SPTBN1: variants seen among roughly 807,000 people sequenced by gnomAD.
SPTBN1 encodes spectrin beta, non-erythrocytic 1.
SPTBN1 carries 32 observed loss-of-function variants against 266.4 expected under a neutral mutation model. That is an observed-to-expected ratio of 0.12 (90% CI 0.09 to 0.16). The LOEUF (loss-of-function observed/expected upper bound fraction) is 0.16, where lower values mean the gene tolerates loss of function less well. Ranked by LOEUF, SPTBN1 falls within the 10% of genes least tolerant of loss-of-function variation. The probability of loss-of-function intolerance (pLI) is 1.00; values close to 1 mark genes in which losing one functional copy is unlikely to be tolerated. For missense variants in SPTBN1, 2,296 were observed against 3,067.1 expected, an observed-to-expected ratio of 0.75 and a Z score of 5.94; for synonymous variants, 1,336 against 1,162.2, an observed-to-expected ratio of 1.15 and a Z score of -3.04.
At chr2:54,543,814 G>T (rs1359230006) in intron 2 of SPTBN1, among the ~76,000 whole-genome samples, 1 of 152,152 alleles carries the variant, frequency 6.6e-6, no homozygotes, top group Non-Finnish European at 1.5e-5. Flanking sequence ...TGAGGTTGGA[G>T]GAAGAGACAG....
chr2:54,595,091 C>T (rs1194197020), intron 2 of SPTBN1, among the ~76,000 whole-genome samples: 1 of 152,158 alleles, frequency 6.6e-6, no homozygotes, highest in East Asian at 1.9e-4. Flanking sequence ...CTCAGCCTCC[C>T]AAAGTGCTGG....
intron 1 of SPTBN1, among the ~76,000 whole-genome samples, chr2:54,457,741 G>A (rs1388143491): frequency 2.0e-5 from 3 of 152,268 alleles, no homozygotes; most frequent in African/African-American, 7.2e-5. Flanking sequence ...GAGGCCTGGA[G>A]CTGCTGCTAC....
At chr2:54,571,885 G>A (rs939435821) in intron 2 of SPTBN1, among the ~76,000 whole-genome samples, 3 of 152,194 alleles carry the variant, frequency 2.0e-5, no homozygotes, top group Non-Finnish European at 4.4e-5. Flanking sequence ...ATGATGTCTT[G>A]AATGAAAGAA....
At chr2:54,473,447 C>G (rs376453047) in intron 1 of SPTBN1, among the ~76,000 whole-genome samples, 17 of 151,994 alleles carry the variant, frequency 1.1e-4, no homozygotes, top group Middle Eastern at 3.4e-3. Context: ...CCTATGACTT[C>G]TAAAGTATCA....
Position 54,558,610 on chromosome 2 carries a change from T to G in SPTBN1, c.148+32044T>G. 3 of 1,421,048 alleles carry G rather than the reference T, an allele frequency of 2.1e-6. No individual in the cohort carries two copies. The highest frequency in any genetic ancestry group is 2.8e-6 in the Non-Finnish European group (3 of 1,085,574). The allele number at this position is 1,421,048 out of a possible 1,614,324, so 88.0% of individuals were successfully genotyped here. On this transcript the variant is annotated intron_variant, in intron 2 of 35. Transcript: ENST00000356805. This position sits in a 1 kb window ranked among gnomAD's most constrained non-coding sequence, Gnocchi z 4.6. ...AACTCCTCGCGGAGCTAAGGTGGAC[T>G]CTCTTGCAGCCAACTTCCCATCAGA...
intron 1 of SPTBN1, among the ~76,000 whole-genome samples, chr2:54,500,616 G>GCTCA (rs1669204506): frequency 6.6e-6 from 1 of 152,138 alleles, no homozygotes; most frequent in African/African-American, 2.4e-5. Context: ...CGCAATCATG[G>GCTCA]CTCACTGTAA....
chr2:54,651,884 C>CT (rs1180649817), intron 26 of SPTBN1, among the ~76,000 whole-genome samples: 9 of 152,248 alleles, frequency 5.9e-5, no homozygotes, highest in Non-Finnish European at 1.0e-4. Context: ...CCTGTTGGTT[C>CT]TTCTTTGTAT....
At chr2:54,497,855 CAG>C (rs1669048591) in intron 1 of SPTBN1, among the ~76,000 whole-genome samples, 1 of 152,124 alleles carries the variant, frequency 6.6e-6, no homozygotes. Context: ...TCCATAAAAA[CAG>C]GGTTCCAGCT....
Position 54,540,018 on chromosome 2 carries a change from T to C in SPTBN1, c.148+13452T>C, listed in dbSNP as rs1671843560. 6.6e-6 allele frequency among the ~76,000 whole-genome samples: 1 copy of C among 152,076 alleles called. No individual in the cohort carries two copies. The highest frequency in any genetic ancestry group is 2.4e-5 in the African/African-American group (1 of 41,390). ...GATTCATGTCCGTATAAAGTAGACA[T>C]GGGAAATGATCTTTCTCCCTACCAT... On this transcript the variant is annotated intron_variant, in intron 2 of 35. Transcript: ENST00000356805. This position sits in a 1 kb window ranked among gnomAD's most constrained non-coding sequence, Gnocchi z 5.6.
At chr2:54,636,308 A>G (rs1307843822) in intron 17 of SPTBN1, among the ~76,000 whole-genome samples, 2 of 152,216 alleles carry the variant, frequency 1.3e-5, no homozygotes, top group Non-Finnish European at 2.9e-5. Flanking sequence ...ACATATGCCT[A>G]ATGATATTTT....
chr2:54,487,283 C>T (rs2103985605), intron 1 of SPTBN1, among the ~76,000 whole-genome samples: 2 of 142,246 alleles, frequency 1.4e-5, no homozygotes, highest in Middle Eastern at 3.8e-3. Flanking sequence ...TGTCTATTAT[C>T]AGAAAAAGTT....
chr2:54,669,274 C>T lies in SPTBN1; in HGVS notation c.*705C>T, dbSNP rs1409134770. On this transcript the variant is annotated 3_prime_UTR_variant, in exon 36 of 36. Transcript: ENST00000356805. ...TTTTGCTGAAATACATTATATTGTA[C>T]GTTTGAGATAATTCTAGTACAAAGT... 3 of 147,292 alleles carry T rather than the reference C, an allele frequency of 2.0e-5. No individual in the cohort carries two copies. The highest frequency in any genetic ancestry group is 2.5e-5 in the African/African-American group (1 of 40,034). The allele number at this position is 147,292 out of a possible 1,614,324, so 9.1% of individuals were successfully genotyped here. A position where few individuals can be genotyped will look rare whatever the true frequency, so the allele number is the denominator to read the frequency against.
At chr2:54,468,419 T>A (rs915795479) in intron 1 of SPTBN1, among the ~76,000 whole-genome samples, 6 of 152,198 alleles carry the variant, frequency 3.9e-5, no homozygotes, top group Non-Finnish European at 8.8e-5. Flanking sequence ...TCTGTGCATG[T>A]TTCTTCATCT....
At chr2:54,565,249 T>A (rs746759483) in intron 2 of SPTBN1, among the ~76,000 whole-genome samples, 3 of 152,212 alleles carry the variant, frequency 2.0e-5, no homozygotes, top group Non-Finnish European at 4.4e-5. Context: ...AGAAGCAGAC[T>A]CTTTAAGTTG....
In SPTBN1 at chr2:54,649,207, G is replaced by T; in HGVS notation, c.5202+17G>T. The T allele has an allele frequency of 6.3e-7, 1 of 1,583,124 alleles. No individual in the cohort carries two copies. On this transcript the variant is annotated intron_variant, in intron 25 of 35. Coordinates refer to ENST00000356805, the MANE Select transcript of SPTBN1 (RefSeq NM_003128.3). The surrounding 1 kb of genome is among the most constrained non-coding windows in gnomAD (Gnocchi z 6.7). ...CATGTCACGGCAAGTACTTGAGGCA[G>T]TGCATGAGTTGGTTGTGCAGTAAGC...
chr2:54,568,349 C>CAAAAAAAAAA (rs888478845), intron 2 of SPTBN1, among the ~76,000 whole-genome samples: 6 of 95,684 alleles, frequency 6.3e-5, no homozygotes, highest in African/African-American at 1.6e-4. Flanking sequence ...GACTCTGTCT[C>CAAAAAAAAAA]AAAAAAAAAA....
chr2:54,518,197 G>T (rs964897055), intron 1 of SPTBN1, among the ~76,000 whole-genome samples: 1 of 151,882 alleles, frequency 6.6e-6, no homozygotes, highest in Non-Finnish European at 1.5e-5. Context: ...GGTCAGACAG[G>T]TTATTAAGAA....
At chr2:54,619,217 C>T (rs536077192) in intron 7 of SPTBN1, among the ~76,000 whole-genome samples, 9 of 152,334 alleles carry the variant, frequency 5.9e-5, no homozygotes, top group Non-Finnish European at 1.2e-4. Flanking sequence ...TTTTCCAATG[C>T]ATCAGATTCA....
chr2:54,579,942 T>A (rs1371494723), intron 2 of SPTBN1, among the ~76,000 whole-genome samples: 1 of 152,216 alleles, frequency 6.6e-6, no homozygotes, highest in Non-Finnish European at 1.5e-5. Context: ...TTCTCTCCTT[T>A]CTGAGGGTAA....
Sources: allele counts gnomAD v4.1 joint callset (sites outside exome capture counted in the v4.1 genomes callset), GRCh38; gene constraint gnomAD v4.1.1; non-coding constraint Gnocchi (gnomAD v3.1); transcripts MANE v1.5; gene names NCBI Gene and HGNC (gene_info 2026-07-23, HGNC 2026-07-21).